The following SH2D4A variants were observed in gnomAD, a reference collection of about 807,000 sequenced individuals.
The protein encoded by SH2D4A is SH2 domain-containing protein 4A.
SH2D4A carries 70 observed loss-of-function variants against 64.7 expected under a neutral mutation model. That is an observed-to-expected ratio of 1.08 (90% CI 0.89 to 1.32). The LOEUF (loss-of-function observed/expected upper bound fraction) is 1.32, where lower values mean the gene tolerates loss of function less well. Ranked by LOEUF, SH2D4A falls within the 40% of genes most tolerant of loss-of-function variation. The pLI, the probability that SH2D4A is intolerant of heterozygous loss-of-function variation, is 0.00. For missense variants in SH2D4A, 706 were observed against 540.1 expected, an observed-to-expected ratio of 1.31 and a Z score of -3.04; for synonymous variants, 268 against 200.7, an observed-to-expected ratio of 1.34 and a Z score of -2.83.
At chr8:19,361,420 A>G (rs1344236884) in intron 6 of SH2D4A, 106 bp downstream of exon 6, 3 of 1,159,710 alleles carry the variant, frequency 2.6e-6, no homozygotes, top group East Asian at 5.8e-5. Flanking sequence ...GTTGAGAGAT[A>G]TGTTCACAGT....
intron 4 of SH2D4A, among the ~76,000 whole-genome samples, chr8:19,351,048 C>G (rs374369746): frequency 6.6e-6 from 1 of 152,182 alleles, no homozygotes; most frequent in Non-Finnish European, 1.5e-5. Flanking sequence ...AGGAAAATCT[C>G]TCCTGTCTCT....
At chr8:19,360,856 T>C (rs1428798093) in intron 5 of SH2D4A, 2 of 158,238 alleles carry the variant, frequency 1.3e-5, no homozygotes, top group Non-Finnish European at 2.8e-5. Context: ...GGAAAAGGAA[T>C]ATTTTTTCTT....
At chr8:19,335,760 T>C (rs191147818) in intron 4 of SH2D4A, among the ~76,000 whole-genome samples, 2 of 152,220 alleles carry the variant, frequency 1.3e-5, no homozygotes, top group African/African-American at 4.8e-5. Flanking sequence ...CTCCCCAACA[T>C]AATAGAAATT....
At chr8:19,344,327 G>T (rs1404220100) in intron 4 of SH2D4A, among the ~76,000 whole-genome samples, 1 of 152,124 alleles carries the variant, frequency 6.6e-6, no homozygotes, top group Admixed American at 6.6e-5. Context: ...AAATGAATCA[G>T]TGGGAGGCCC....
intron 4 of SH2D4A, among the ~76,000 whole-genome samples, chr8:19,343,020 C>G (rs1462703460): frequency 1.3e-5 from 2 of 152,146 alleles, no homozygotes; most frequent in African/African-American, 4.8e-5. Flanking sequence ...TTAGAGCAGC[C>G]TCTCTGCCCT....
chr8:19,391,130 G>C (rs1013290047), intron 8 of SH2D4A, among the ~76,000 whole-genome samples: 6 of 152,122 alleles, frequency 3.9e-5, no homozygotes, highest in African/African-American at 9.7e-5. Flanking sequence ...CCTGGGTTTC[G>C]GAGTCAGTCT....
chr8:19,374,568 C>T (rs1348528304), intron 8 of SH2D4A, among the ~76,000 whole-genome samples: 3 of 152,184 alleles, frequency 2.0e-5, no homozygotes, highest in South Asian at 4.1e-4. Context: ...AAACACATAT[C>T]ATGGGAAACT....
chr8:19,346,459 AC>A lies in SH2D4A; in HGVS notation c.514-10741del, dbSNP rs536946524. 2.0e-4 allele frequency among the ~76,000 whole-genome samples: 31 copies of A among 152,268 alleles called. No homozygotes were observed. In the South Asian group the frequency reaches 3.5e-3, roughly 17 times the overall value. ...TGACGATCTGTCACTGCCTCCCATT[AC>A]CCTCAGATGGGACACTCTAGTTGAA... On this transcript the variant is annotated intron_variant, in intron 4 of 9. Transcript: ENST00000265807.
chr8:19,353,430 A>C (rs2052738538), intron 4 of SH2D4A, among the ~76,000 whole-genome samples: 1 of 147,030 alleles, frequency 6.8e-6, no homozygotes, highest in Admixed American at 6.9e-5. Context: ...GTACAGTGGC[A>C]GCATCTTGAC....
At chr8:19,343,960 G>A (rs1406569266) in intron 4 of SH2D4A, among the ~76,000 whole-genome samples, 4 of 152,162 alleles carry the variant, frequency 2.6e-5, no homozygotes, top group African/African-American at 4.8e-5. Context: ...CCTGGCCGGC[G>A]AAATGTCAGT....
intron 1 of SH2D4A, among the ~76,000 whole-genome samples, chr8:19,318,200 G>A (rs371379461): frequency 3.1e-4 from 47 of 152,210 alleles, no homozygotes; most frequent in African/African-American, 1.1e-3. Context: ...CACCCCGCCT[G>A]GCCTATTGGT....
intron 8 of SH2D4A, among the ~76,000 whole-genome samples, chr8:19,382,860 T>C (rs1167607293): frequency 7.4e-6 from 1 of 134,288 alleles, no homozygotes; most frequent in Non-Finnish European, 1.6e-5. Context: ...AGACAGGGTC[T>C]CACTCTGTCA....
chr8:19,379,856 C>G (rs1366202715), intron 8 of SH2D4A, among the ~76,000 whole-genome samples: 1 of 152,180 alleles, frequency 6.6e-6, no homozygotes, highest in Non-Finnish European at 1.5e-5. Flanking sequence ...CCCACCTCAG[C>G]CTCCCGAGCA....
chr8:19,333,176 A>G, intron 3 of SH2D4A, 62 bp downstream of exon 3: 4 of 1,533,456 alleles, frequency 2.6e-6, no homozygotes, highest in Non-Finnish European at 3.5e-6. Flanking sequence ...AAACATTGCA[A>G]ACACACCTCT....
At chr8:19,348,864 T>C (rs1029447783) in intron 4 of SH2D4A, among the ~76,000 whole-genome samples, 4 of 152,150 alleles carry the variant, frequency 2.6e-5, no homozygotes, top group East Asian at 3.9e-4. Flanking sequence ...CCAGAGTAGA[T>C]ACCTCGTTCC....
intron 7 of SH2D4A, among the ~76,000 whole-genome samples, chr8:19,366,475 C>G (rs558362431): frequency 6.6e-6 from 1 of 152,146 alleles, no homozygotes; most frequent in African/African-American, 2.4e-5. Flanking sequence ...TCTCCCCAGC[C>G]TCTGCTAACC....
At chr8:19,393,280 T>C (rs1239376663) in intron 8 of SH2D4A, 38 bp from the exon 9 acceptor site, 1 of 1,593,832 alleles carries the variant, frequency 6.3e-7, no homozygotes, top group African/African-American at 1.3e-5. Flanking sequence ...TCTGGAATGA[T>C]TTGGCTGAAA....
At chr8:19,369,254 G>A (rs2053054114) in intron 7 of SH2D4A, among the ~76,000 whole-genome samples, 1 of 151,922 alleles carries the variant, frequency 6.6e-6, no homozygotes, top group East Asian at 1.9e-4. Context: ...GTGGATTTTT[G>A]TATCTATGTT....
intron 7 of SH2D4A, among the ~76,000 whole-genome samples, chr8:19,366,941 A>G (rs2053007168): frequency 6.6e-6 from 1 of 152,008 alleles, no homozygotes; most frequent in Admixed American, 6.6e-5. Context: ...CTTTTTATGG[A>G]TCTTTTGTTC....
Sources: allele counts gnomAD v4.1 joint callset (sites outside exome capture counted in the v4.1 genomes callset), GRCh38; gene constraint gnomAD v4.1.1; transcripts MANE v1.5; gene names NCBI Gene and HGNC (gene_info 2026-07-23, HGNC 2026-07-21).